Variants in FBXO34 observed in about 807,000 individuals in gnomAD.
FBXO34 encodes F-box protein 34, also known as F-box only protein 34.
FBXO34 carries 12 observed loss-of-function variants against 24.5 expected under a neutral mutation model. That is an observed-to-expected ratio of 0.49 (90% CI 0.31 to 0.79). The LOEUF (loss-of-function observed/expected upper bound fraction) is 0.79. FBXO34 is among the 30% of genes least tolerant of loss of function. The pLI, the probability that FBXO34 is intolerant of heterozygous loss-of-function variation, is 0.04. For missense variants in FBXO34, 823 were observed against 857.7 expected, an observed-to-expected ratio of 0.96 and a Z score of 0.51; for synonymous variants, 320 against 311.9, an observed-to-expected ratio of 1.03 and a Z score of -0.27.
downstream of FBXO34, among the ~76,000 whole-genome samples, chr14:55,374,686 G>A (rs1007910932): frequency 2.0e-5 from 3 of 151,914 alleles, no homozygotes; most frequent in Non-Finnish European, 4.4e-5. Context: ...TATATCATCT[G>A]GATTTTATTT....
the FBXO34 span, among the ~76,000 whole-genome samples, chr14:55,400,909 TAAATAAAATA>T: frequency 0.23 from 33,113 of 143,130 alleles, 4,133 homozygotes; most frequent in Non-Finnish European, 0.28. Context: ...CTCAAATAAA[TAAATAAAATA>T]AAATAAAATA....
intron 1 of FBXO34, among the ~76,000 whole-genome samples, chr14:55,310,598 G>A (rs1882701654): frequency 6.6e-6 from 1 of 152,154 alleles, no homozygotes; most frequent in Non-Finnish European, 1.5e-5. Context: ...GAATCTTTTA[G>A]ATTAGGGTTT....
At chr14:55,344,248 A>C (rs1028372056) in intron 1 of FBXO34, among the ~76,000 whole-genome samples, 11 of 152,010 alleles carry the variant, frequency 7.2e-5, no homozygotes, top group Non-Finnish European at 1.0e-4. Flanking sequence ...CAGGGTCACC[A>C]GGGGTCTTTA....
chr14:55,436,512 A>G, the FBXO34 span: 1 of 1,493,626 alleles, frequency 6.7e-7, no homozygotes, highest in South Asian at 1.2e-5. Flanking sequence ...ATTCAGGAAT[A>G]TAAAATGTGT....
the FBXO34 span, chr14:55,380,517 A>C: frequency 1.2e-4 from 148 of 1,185,570 alleles, no homozygotes; most frequent in Non-Finnish European, 1.7e-4. Flanking sequence ...ATAAAGACAA[A>C]ATAGAAACTT....
intron 1 of FBXO34, among the ~76,000 whole-genome samples, chr14:55,294,750 A>G (rs1169427647): frequency 6.6e-6 from 1 of 152,186 alleles, no homozygotes; most frequent in Non-Finnish European, 1.5e-5. Flanking sequence ...TAAGAACTGT[A>G]TATTCTGTTG....
At chr14:55,280,675 C>T (rs1167866214) in intron 1 of FBXO34, among the ~76,000 whole-genome samples, 2 of 151,856 alleles carry the variant, frequency 1.3e-5, no homozygotes, top group Admixed American at 1.3e-4. Context: ...TACAGGTGCC[C>T]GCCACCTCGC....
the FBXO34 span, among the ~76,000 whole-genome samples, chr14:55,418,773 A>G: frequency 6.6e-6 from 1 of 152,226 alleles, no homozygotes; most frequent in Non-Finnish European, 1.5e-5. Context: ...TCCTATCATC[A>G]GGGCAAGGCA....
At chr14:55,380,687 A>G in the FBXO34 span, 2 of 1,592,100 alleles carry the variant, frequency 1.3e-6, no homozygotes, top group East Asian at 2.3e-5. Flanking sequence ...ACTCTGCTCC[A>G]TGTCTGCAGT....
chr14:55,301,331 G>A (rs1882347116), intron 1 of FBXO34, among the ~76,000 whole-genome samples: 1 of 151,958 alleles, frequency 6.6e-6, no homozygotes, highest in African/African-American at 2.4e-5. Flanking sequence ...TAGCTACTCG[G>A]GAGGCTGAGG....
At chr14:55,433,583 A>T in the FBXO34 span, 5 of 1,540,522 alleles carry the variant, frequency 3.2e-6, no homozygotes, top group South Asian at 4.5e-5. Context: ...CTTGTTTTAC[A>T]TACTAAATTG....
intron 1 of FBXO34, among the ~76,000 whole-genome samples, chr14:55,338,798 C>T (rs928403860): frequency 2.0e-5 from 3 of 151,774 alleles, no homozygotes; most frequent in Admixed American, 6.6e-5. Context: ...CCCAGCTACT[C>T]GGGAGGCTGA....
At chr14:55,385,494 T>C in the FBXO34 span, among the ~76,000 whole-genome samples, 1 of 152,214 alleles carries the variant, frequency 6.6e-6, no homozygotes, top group South Asian at 2.1e-4. Context: ...GGTTTTGCCA[T>C]GTTGGCCAGG....
At chr14:55,359,104 G>A (rs1386157002) in intron 3 of FBXO34, among the ~76,000 whole-genome samples, 1 of 152,124 alleles carries the variant, frequency 6.6e-6, no homozygotes, top group African/African-American at 2.4e-5. Flanking sequence ...CAGGATGAAG[G>A]GGAGGGAGTG....
intron 1 of FBXO34, among the ~76,000 whole-genome samples, chr14:55,310,196 G>C (rs905069928): frequency 6.6e-6 from 1 of 152,172 alleles, no homozygotes; most frequent in African/African-American, 2.4e-5. Context: ...GAAGAGATTA[G>C]TACTGTTTAC....
rs574762226 is a variant in FBXO34 at position 55,353,236 on chromosome 14, C to G, written c.*710C>G. On this transcript the variant is annotated 3_prime_UTR_variant, in exon 2 of 2. Transcript: ENST00000313833. Reference sequence around the variant, plus strand: ...GACAGCTAACGGAACAATATAATCACCACAATGCAGCTAGGATAGTGTTGC... The same window carrying G: ...GACAGCTAACGGAACAATATAATCAGCACAATGCAGCTAGGATAGTGTTGC... 4 of 166,618 alleles carry G rather than the reference C, an allele frequency of 2.4e-5. No individual in the cohort carries two copies. In the South Asian group the frequency reaches 8.3e-4, roughly 35 times the overall value. 10.3% of individuals were successfully genotyped at this position (166,618 alleles called of 1,614,324 possible).
At chr14:55,308,347 A>G (rs555359135) in intron 1 of FBXO34, among the ~76,000 whole-genome samples, 2 of 152,358 alleles carry the variant, frequency 1.3e-5, no homozygotes, top group Admixed American at 1.3e-4. Flanking sequence ...GTATGAAATA[A>G]ACCAGTATTT....
chr14:55,426,317 C>T, the FBXO34 span, among the ~76,000 whole-genome samples: 4 of 151,450 alleles, frequency 2.6e-5, no homozygotes, highest in African/African-American at 9.7e-5. Flanking sequence ...TTCTCATTGA[C>T]AACTGTGGAA....
chr14:55,379,412 T>A, the FBXO34 span, among the ~76,000 whole-genome samples: 1 of 151,856 alleles, frequency 6.6e-6, no homozygotes, highest in Non-Finnish European at 1.5e-5. Flanking sequence ...TGTGGTAGCA[T>A]GAACCTGTGG....
Sources: gnomAD v4.1 joint callset for allele counts (sites outside exome capture counted in the v4.1 genomes callset) on GRCh38, gnomAD v4.1.1 for gene constraint, MANE v1.5 for transcripts, NCBI Gene and HGNC (gene_info 2026-07-23, HGNC 2026-07-21) for gene names.